The following DCAF7 variants were observed in gnomAD, a reference collection of about 807,000 sequenced individuals.
The protein encoded by DCAF7 is DDB1- and CUL4-associated factor 7.
A neutral mutation model predicts 41.2 loss-of-function variants in DCAF7; 4 were observed. The observed-to-expected ratio is 0.10, with a 90% CI of 0.05 to 0.22. DCAF7 has a LOEUF of 0.22. Among genes scored for constraint, DCAF7 ranks in the 10% least tolerant of loss-of-function variants. DCAF7 has a pLI of 1.00. For synonymous variants in DCAF7, 143 were observed against 164.2 expected, an observed-to-expected ratio of 0.87 and a Z score of 0.99; for missense variants, 131 against 443.2, an observed-to-expected ratio of 0.30 and a Z score of 6.32.
rs2033749996 is a variant in DCAF7, at chr17:63,592,994, A to T, written c.*3822A>T. On this transcript the variant is annotated 3_prime_UTR_variant, in exon 7 of 7. Transcript: ENST00000614556. ...GAATTCCTGGGCTGTGAAGACATGT[A>T]GCAGCTGCAGGGTTTACCACACGTG... 6.6e-6 allele frequency: 1 copy of T among 152,234 alleles called. No homozygotes were observed. Among genetic ancestry groups the T allele is most frequent in the Non-Finnish European group, 1.5e-5 (1 of 68,118 alleles). The allele number at this position is 152,234 out of a possible 1,614,324, so 9.4% of individuals were successfully genotyped here. A position where few individuals can be genotyped will look rare whatever the true frequency, so the allele number is the denominator to read the frequency against.
At chr17:63,574,225 ACT>A (rs1264259155) in intron 1 of DCAF7, among the ~76,000 whole-genome samples, 3 of 151,812 alleles carry the variant, frequency 2.0e-5, no homozygotes, top group East Asian at 1.9e-4. Context: ...TCCTTTGAAG[ACT>A]CTGCTCAGAT....
At chr17:63,567,729 A>G (rs2033460250) in intron 1 of DCAF7, among the ~76,000 whole-genome samples, 1 of 151,970 alleles carries the variant, frequency 6.6e-6, no homozygotes, top group South Asian at 2.1e-4. Flanking sequence ...GCACAATCAC[A>G]GCTCACTACA....
chr17:63,589,016 T>C lies in DCAF7; in HGVS notation c.873T>C (p.Ala291=). 6.2e-7 allele frequency: 1 copy of C among 1,612,408 alleles called. No homozygotes were observed. Among genetic ancestry groups the C allele is most frequent in the East Asian group, 2.2e-5 (1 of 44,838 alleles). ...TGTCCCTAGCGGATGACCACCAGGC[T>C]CTCATCTGGGACATCCAGCAAATGC... The part of the protein sequence containing the change: ...HICTAADDHQ[A]LIWDIQQMPR... The change falls in exon 7 of 7, where the codon GCT becomes GCC. Residue 291 remains alanine (A), a synonymous_variant. Coordinates refer to ENST00000614556, the MANE Select transcript of DCAF7 (RefSeq NM_005828.5).
chr17:63,559,357 A>ATATG (rs2033347504), intron 1 of DCAF7, among the ~76,000 whole-genome samples: 5 of 130,300 alleles, frequency 3.8e-5, no homozygotes, highest in African/African-American at 1.6e-4. Flanking sequence ...ACGTATATAT[A>ATATG]TGTATGTATA....
intron 5 of DCAF7, among the ~76,000 whole-genome samples, chr17:63,584,933 C>T (rs1270160544): frequency 6.6e-6 from 1 of 152,144 alleles, no homozygotes; most frequent in African/African-American, 2.4e-5. Context: ...ATTCTTACCA[C>T]ATGCACCTGC....
Position 63,579,391 on chromosome 17 carries a change from G to T in DCAF7, c.352G>T (p.Asp118Tyr). Residue 118 changes from aspartate (D) to tyrosine (Y), a missense_variant, in exon 3 of 7, where the codon GAT becomes TAT. By Grantham distance (160) the Asp-to-Tyr change is radical (BLOSUM62 -3). Coordinates refer to ENST00000614556, the MANE Select transcript of DCAF7 (RefSeq NM_005828.5). The stretch of plus-strand genomic sequence containing the variant: ...TTTGCTAAACAATAATAAGAACTCT[G>T]ATTTCTGTGCTCCCCTGACCTCCTT... ...ECLLNNNKNSDFCAPLTSFDW... is the reference protein window; with the variant it reads ...ECLLNNNKNSYFCAPLTSFDW... 1 of 1,610,488 alleles carries T rather than the reference G, an allele frequency of 6.2e-7. No homozygotes were observed. The highest frequency in any genetic ancestry group is 8.5e-7 in the Non-Finnish European group (1 of 1,178,428).
At chr17:63,559,362 T>C (rs1262370145) in intron 1 of DCAF7, among the ~76,000 whole-genome samples, 58 of 120,316 alleles carry the variant, frequency 4.8e-4, no homozygotes, top group African/African-American at 1.7e-3. Flanking sequence ...TATATATGTA[T>C]GTATATATAT....
rs1278292607 is a variant in DCAF7 at position 63,593,566 on chromosome 17, C to T, written c.*4394C>T. ...CAGCTGGAAAGTTTATAGGCACCCA[C>T]CTTTGGGACAACCCAGTGATTATGA... On this transcript the variant is annotated 3_prime_UTR_variant, in exon 7 of 7. Transcript: ENST00000614556. 1 of 152,570 alleles carries T rather than the reference C, an allele frequency of 6.6e-6. No homozygotes were observed. The highest frequency in any genetic ancestry group is 1.5e-5 in the Non-Finnish European group (1 of 68,040). 9.5% of individuals were successfully genotyped at this position (152,570 alleles called of 1,614,324 possible). A position where few individuals can be genotyped will look rare whatever the true frequency, so the allele number is the denominator to read the frequency against.
rs564359175 is a variant in DCAF7, at chr17:63,564,437, C to T, written c.138+13622C>T. 5.6e-4 allele frequency among the ~76,000 whole-genome samples: 86 copies of T among 152,248 alleles called. 1 individual carries two copies. Among genetic ancestry groups the T allele is most frequent in the Non-Finnish European group, 5.6e-4 (38 of 68,020 alleles). On this transcript the variant is annotated intron_variant, in intron 1 of 6. Coordinates refer to ENST00000614556, the MANE Select transcript of DCAF7 (RefSeq NM_005828.5). ...GAAATTATATACAAATAATAGTAGC[C>T]AAAGGGGAAACCTAGCATCATTTTA...
intron 1 of DCAF7, among the ~76,000 whole-genome samples, chr17:63,577,116 A>G (rs1256053479): frequency 6.6e-6 from 1 of 152,166 alleles, no homozygotes; most frequent in South Asian, 2.1e-4. Flanking sequence ...ATCAGTGGCT[A>G]CTTGGGGTAG....
Position 63,550,919 on chromosome 17 carries a change from C to T in DCAF7, c.138+104C>T, listed in dbSNP as rs753062603. The stretch of plus-strand genomic sequence containing the variant: ...CTCAGAACCCTCTTGCGGACTCGCC[C>T]TAGGGCCACGGAGCGGTTCCTCTGT... On this transcript the variant is annotated intron_variant, in intron 1 of 6. Coordinates refer to ENST00000614556, the MANE Select transcript of DCAF7 (RefSeq NM_005828.5). The surrounding 1 kb of genome is among the most constrained non-coding windows in gnomAD (Gnocchi z 4.8). 28 of 1,486,926 alleles carry T rather than the reference C, an allele frequency of 1.9e-5. No homozygotes were observed. Among genetic ancestry groups the T allele is most frequent in the Middle Eastern group, 2.0e-4 (1 of 4,964 alleles). The allele number at this position is 1,486,926 out of a possible 1,614,324, so 92.1% of individuals were successfully genotyped here.
rs1479094740 is a variant in DCAF7 at position 63,550,724 on chromosome 17, C to T, written c.47C>T (p.Pro16Leu). 2 of 1,613,818 alleles carry T rather than the reference C, an allele frequency of 1.2e-6. No homozygotes were observed. Among genetic ancestry groups the T allele is most frequent in the African/African-American group, 1.3e-5 (1 of 74,946 alleles). Residue 16 changes from proline to leucine, a missense_variant, in exon 1 of 7, where the codon CCC becomes CTC. Pro to Leu is a moderately conservative substitution (Grantham distance 98). Transcript: ENST00000614556. This position sits in a 1 kb window ranked among gnomAD's most constrained non-coding sequence, Gnocchi z 4.8. ...AAGGAGATCTACAAGTATGAAGCGCCCTGGACAGTCTACGCGATGAACTGG... is the reference window on the plus strand; with the variant it reads ...AAGGAGATCTACAAGTATGAAGCGCTCTGGACAGTCTACGCGATGAACTGG... ...KRKEIYKYEA[P>L]WTVYAMNWSV...
intron 1 of DCAF7, among the ~76,000 whole-genome samples, chr17:63,563,421 G>A (rs770724699): frequency 6.6e-5 from 10 of 152,148 alleles, no homozygotes; most frequent in Admixed American, 4.6e-4. Flanking sequence ...TATTTGAAAA[G>A]TAAGTTGGTG....
At chr17:63,587,674 A>G (rs2033691702) in intron 6 of DCAF7, among the ~76,000 whole-genome samples, 1 of 152,046 alleles carries the variant, frequency 6.6e-6, no homozygotes, top group South Asian at 2.1e-4. Context: ...TATTGCCCAC[A>G]ATTAGTCTAT....
chr17:63,588,807 G>C (rs1244636906), intron 6 of DCAF7, among the ~76,000 whole-genome samples, 193 bp from the exon 7 acceptor site: 1 of 152,204 alleles, frequency 6.6e-6, no homozygotes, highest in African/African-American at 2.4e-5. Flanking sequence ...TCACTTGGCT[G>C]AATAGCTGTG....
At chr17:63,559,398 T>TAC (rs1364491287) in intron 1 of DCAF7, among the ~76,000 whole-genome samples, 8 of 97,508 alleles carry the variant, frequency 8.2e-5, no homozygotes, top group African/African-American at 2.5e-4. Flanking sequence ...TATATATATA[T>TAC]GTATATATAT....
chr17:63,584,459 C>T (rs1345400202), intron 5 of DCAF7, among the ~76,000 whole-genome samples: 1 of 149,994 alleles, frequency 6.7e-6, no homozygotes, highest in African/African-American at 2.5e-5. Context: ...TAGAGCAAGA[C>T]TCCATCTGAA....
chr17:63,562,573 A>G (rs1032290081), intron 1 of DCAF7, among the ~76,000 whole-genome samples: 2 of 151,472 alleles, frequency 1.3e-5, no homozygotes, highest in East Asian at 3.9e-4. Context: ...GTTTTAGGGT[A>G]CATGTGCACA....
chr17:63,578,751 C>A, intron 2 of DCAF7, 123 bp downstream of exon 2: 1 of 1,351,982 alleles, frequency 7.4e-7, no homozygotes, highest in Non-Finnish European at 1.0e-6. Flanking sequence ...ACAGGAGAAG[C>A]AAGCGAAGCT....
Sources: allele counts gnomAD v4.1 joint callset (sites outside exome capture counted in the v4.1 genomes callset), GRCh38; gene constraint gnomAD v4.1.1; non-coding constraint Gnocchi (gnomAD v3.1); transcripts MANE v1.5; gene names NCBI Gene and HGNC (gene_info 2026-07-23, HGNC 2026-07-21).